The following DPP8 variants were observed in gnomAD, a reference collection of about 807,000 sequenced individuals.
DPP8 encodes DPP VIII.
In DPP8, 31 loss-of-function variants were observed where a neutral mutation model predicts 107.5. The observed-to-expected ratio is 0.29, with a 90% CI of 0.22 to 0.39. The LOEUF is 0.39. Among genes scored for constraint, DPP8 ranks in the 10% least tolerant of loss-of-function variants. The pLI is 1.00. For missense variants in DPP8, 842 were observed against 1,076.1 expected (o/e 0.78, Z 3.04); for synonymous variants, 381 against 356.6 (o/e 1.07, Z -0.77).
rs150275468 is a variant in DPP8, at chr15:65,480,839, G to A, written c.1119-440C>T. Among the ~76,000 whole-genome samples the A allele has an allele frequency of 2.7e-3, 405 of 152,292 alleles. 3 individuals are homozygous for A. The highest frequency in any genetic ancestry group is 4.5e-3 in the Non-Finnish European group (305 of 68,022). On this transcript the variant is annotated intron_variant, in intron 9 of 19. Transcript: ENST00000300141. ...CTGCCAAGTGCAGTGGTTCACACCT[G>A]TAATCTCAGCACGTTGGGAGGCCGA...
At chr15:65,456,481 A>G in intron 15 of DPP8, 110 bp from the exon 16 acceptor site, 1 of 1,107,064 alleles carries the variant, frequency 9.0e-7, no homozygotes, top group Admixed American at 2.7e-5. Flanking sequence ...TTTTACCTTT[A>G]AAATGTAATT....
intron 15 of DPP8, among the ~76,000 whole-genome samples, chr15:65,457,024 T>G (rs1205033463): frequency 6.6e-6 from 1 of 152,190 alleles, no homozygotes; most frequent in African/African-American, 2.4e-5. Context: ...GCCATCCCCT[T>G]TCCCAGCAAA....
At chr15:65,450,941 C>G in intron 19 of DPP8, 58 bp downstream of exon 19, 4 of 1,094,122 alleles carry the variant, frequency 3.7e-6, no homozygotes, top group Non-Finnish European at 5.5e-6. Context: ...TAATAGATTT[C>G]AAAGTAATCA....
intron 1 of DPP8, 59 bp from the exon 2 acceptor site, chr15:65,512,623 T>C (rs369665670): frequency 1.3e-6 from 2 of 1,567,572 alleles, no homozygotes; most frequent in South Asian, 2.4e-5. Flanking sequence ...TCAGAATGAT[T>C]CTCTGAGAGG....
intron 3 of DPP8, among the ~76,000 whole-genome samples, chr15:65,501,858 A>C (rs2069272310): frequency 6.6e-6 from 1 of 152,028 alleles, no homozygotes; most frequent in Admixed American, 6.6e-5. Flanking sequence ...CTCAGCTAGC[A>C]AAGTTTTCCA....
At chr15:65,450,039 C>A (rs1394737635) in intron 19 of DPP8, among the ~76,000 whole-genome samples, 1 of 152,048 alleles carries the variant, frequency 6.6e-6, no homozygotes, top group African/African-American at 2.4e-5. Context: ...GCGATCTCAG[C>A]TGATCGCAAC....
intron 17 of DPP8, 125 bp from the exon 18 acceptor site, chr15:65,452,227 T>C (rs1422572929): frequency 1.8e-6 from 2 of 1,095,072 alleles, no homozygotes; most frequent in Non-Finnish European, 1.3e-6. Flanking sequence ...TACTGGCGCA[T>C]ACATGTCTTA....
chr15:65,474,104 C>T (rs1054185212), intron 12 of DPP8, 105 bp downstream of exon 12: 39 of 860,710 alleles, frequency 4.5e-5, no homozygotes, highest in Admixed American at 2.3e-4. Context: ...GACTCTGTCT[C>T]GGAAAAAAAA....
In DPP8 at chr15:65,482,849, C is replaced by T. The variant is rs536521267; in HGVS notation, c.1018-1234G>A. Among the ~76,000 whole-genome samples, 36 of 152,110 alleles carry T rather than the reference C, an allele frequency of 2.4e-4. No homozygotes were observed. The South Asian group carries it at 7.3e-3, about 31-fold the overall frequency. The stretch of plus-strand genomic sequence containing the variant: ...TGGTGGCTCACACCTGTAATCCCAG[C>T]ACTTTGAGAGGCCGAGGCGGGCAAA... On this transcript the variant is annotated intron_variant, in intron 8 of 19. Transcript: ENST00000300141.
intron 3 of DPP8, among the ~76,000 whole-genome samples, chr15:65,505,569 T>C (rs2069854731): frequency 1.3e-5 from 2 of 152,182 alleles, no homozygotes; most frequent in Non-Finnish European, 2.9e-5. Context: ...TTAAAGACAC[T>C]GGTCTCAGAA....
chr15:65,516,099 G>A (rs1031835045), intron 1 of DPP8: 13 of 302,466 alleles, frequency 4.3e-5, no homozygotes, highest in Non-Finnish European at 7.8e-5. Context: ...CAGATGTGAA[G>A]TTACTCAGTG....
At chr15:65,515,239 T>G (rs947783701) in intron 1 of DPP8, among the ~76,000 whole-genome samples, 4 of 152,122 alleles carry the variant, frequency 2.6e-5, no homozygotes, top group Admixed American at 1.3e-4. Context: ...ATGCCCAGCT[T>G]CTTATTATTC....
chr15:65,498,016 G>A lies in DPP8; in HGVS notation c.563C>T (p.Pro188Leu), dbSNP rs1210106677. 1 of 1,595,156 alleles carries A rather than the reference G, an allele frequency of 6.3e-7. No individual in the cohort carries two copies. The highest frequency in any genetic ancestry group is 8.5e-7 in the Non-Finnish European group (1 of 1,169,966). ...PQGFTQQPLR[P>L]NLVETSCPNI... ...GGGACAACTAGTTTCCACTAGATTG[G>A]GCCTTAAAGGTTGTTGCTAGAAAAG... Residue 188 changes from proline to leucine, a missense_variant, in exon 5 of 20, where the codon CCC becomes CTC. Coordinates refer to ENST00000300141, the MANE Select transcript of DPP8 (RefSeq NM_130434.5).
Position 65,507,247 on chromosome 15 carries a change from A to G in DPP8, c.368T>C (p.Phe123Ser). 1 of 1,584,584 alleles carries G rather than the reference A, an allele frequency of 6.3e-7. No individual in the cohort carries two copies. The highest frequency in any genetic ancestry group is 8.6e-7 in the Non-Finnish European group (1 of 1,157,940). Reference protein sequence around the residue: ...MLSWKPLLDLFQATLDYGMYS... With the variant: ...MLSWKPLLDLSQATLDYGMYS... ...AATAACAACATTTAATCCTACCTGA[A>G]AAAGATCCAAAAGAGGCTTCCAAGA... The change falls in exon 3 of 20, where the codon TTT (phenylalanine) becomes TCT (serine). Residue 123 changes from phenylalanine (F) to serine (S), a missense_variant. Transcript: ENST00000300141.
chr15:65,467,314 C>T, intron 12 of DPP8, 91 bp from the exon 13 acceptor site: 1 of 1,263,208 alleles, frequency 7.9e-7, no homozygotes, highest in Non-Finnish European at 1.1e-6. Flanking sequence ...TGAGCCACTC[C>T]TTGACTTATG....
rs931836395 is a variant in DPP8, at chr15:65,444,619, G to A, written c.*2265C>T. 1 of 152,184 alleles carries A rather than the reference G, an allele frequency of 6.6e-6. No homozygotes were observed. Among genetic ancestry groups the A allele is most frequent in the East Asian group, 1.9e-4 (1 of 5,198 alleles). The allele number at this position is 152,184 out of a possible 1,614,324, so 9.4% of individuals were successfully genotyped here. On this transcript the variant is annotated 3_prime_UTR_variant, in exon 20 of 20. Coordinates refer to ENST00000300141, the MANE Select transcript of DPP8 (RefSeq NM_130434.5). ...TTTTTTCCTGCTAAAGAAGCAGAATGGCATTTAAGTGACTGGGAGTGATAA... is the reference window on the plus strand; with the variant it reads ...TTTTTTCCTGCTAAAGAAGCAGAATAGCATTTAAGTGACTGGGAGTGATAA...
chr15:65,485,280 A>T, intron 7 of DPP8, 120 bp from the exon 8 acceptor site: 2 of 712,312 alleles, frequency 2.8e-6, no homozygotes, highest in South Asian at 3.3e-5. Context: ...GCAGTGGCTC[A>T]CGCCTGTAAT....
Position 65,498,042 on chromosome 15 carries a change from TA to T in DPP8, c.547-11del, listed in dbSNP as rs769953158. ...GCCTTAAAGGTTGTTGCTAGAAAAG[TA>T]AACAACATTTTAAGGTAAGTATTAG... On this transcript the variant is annotated splice_polypyrimidine_tract_variant and intron_variant, in intron 4 of 19. Transcript: ENST00000300141. 1 of 1,575,636 alleles carries T rather than the reference TA, an allele frequency of 6.3e-7. No homozygotes were observed. The highest frequency in any genetic ancestry group is 1.2e-5 in the South Asian group (1 of 85,284).
At chr15:65,448,342 T>A (rs942526279) in intron 19 of DPP8, among the ~76,000 whole-genome samples, 5 of 152,040 alleles carry the variant, frequency 3.3e-5, no homozygotes, top group African/African-American at 1.2e-4. Context: ...GAGATCAGCC[T>A]GGGCAACTTA....
Sources: allele counts gnomAD v4.1 joint callset (sites outside exome capture counted in the v4.1 genomes callset), GRCh38; gene constraint gnomAD v4.1.1; transcripts MANE v1.5; gene names NCBI Gene and HGNC (gene_info 2026-07-23, HGNC 2026-07-21).